The following SCN11A variants were observed in gnomAD, a reference collection of about 807,000 sequenced individuals.
SCN11A encodes the protein sodium voltage-gated channel alpha subunit 11.
SCN11A carries 122 observed loss-of-function variants against 162.2 expected under a neutral mutation model. The observed-to-expected ratio is 0.75, with a 90% CI of 0.65 to 0.87. The LOEUF (loss-of-function observed/expected upper bound fraction) is 0.87. Among genes scored for constraint, SCN11A ranks in the 40% least tolerant of loss-of-function variants. SCN11A has a pLI of 0.00. For missense variants in SCN11A, 2,015 were observed against 2,181.6 expected (o/e 0.92, Z 1.52); for synonymous variants, 758 against 751.5 (o/e 1.01, Z -0.14).
chr3:38,997,207 C>T (rs934702248), intron 2 of SCN11A, among the ~76,000 whole-genome samples: 1 of 152,230 alleles, frequency 6.6e-6, no homozygotes, highest in Non-Finnish European at 1.5e-5. Context: ...ATCTGCTTCA[C>T]TCCCATTAAA....
At chr3:38,989,396 G>T (rs1401691549) in intron 2 of SCN11A, among the ~76,000 whole-genome samples, 3 of 152,188 alleles carry the variant, frequency 2.0e-5, no homozygotes, top group African/African-American at 7.2e-5. Context: ...TAAAATGGTT[G>T]TTCAAAGACA....
intron 2 of SCN11A, among the ~76,000 whole-genome samples, chr3:38,965,384 G>A (rs1293134949): frequency 2.6e-5 from 4 of 152,182 alleles, no homozygotes; most frequent in Admixed American, 1.3e-4. Flanking sequence ...GTAAGACAAC[G>A]TTTGTAAGGT....
At chr3:38,925,284 G>T in intron 9 of SCN11A, 131 bp downstream of exon 9, 6 of 639,046 alleles carry the variant, frequency 9.4e-6, no homozygotes, top group Non-Finnish European at 8.3e-6. Context: ...ATTATCAGTT[G>T]GACCATCAAA....
intron 16 of SCN11A, 47 bp from the exon 17 acceptor site, chr3:38,900,120 C>A: frequency 6.7e-7 from 1 of 1,498,500 alleles, no homozygotes; most frequent in Non-Finnish European, 9.3e-7. Flanking sequence ...GCGGAGATAA[C>A]ACTTTTAAGA....
intron 2 of SCN11A, among the ~76,000 whole-genome samples, chr3:39,031,343 C>T (rs2037656): frequency 0.48 from 72,882 of 151,834 alleles, 21,367 homozygotes; most frequent in African/African-American, 0.84. Flanking sequence ...CTGGCCAACA[C>T]GGTGAAACCC....
chr3:38,897,278 C>T (rs1162473020), intron 17 of SCN11A, 53 bp from the exon 18 acceptor site: 2 of 1,524,282 alleles, frequency 1.3e-6, no homozygotes, highest in African/African-American at 1.4e-5. Context: ...TAAGGACAAA[C>T]TCCATCTGCT....
chr3:38,955,959 A>G (rs1281298673), intron 3 of SCN11A, among the ~76,000 whole-genome samples: 1 of 152,220 alleles, frequency 6.6e-6, no homozygotes, highest in East Asian at 1.9e-4. Context: ...CACGTTCGGC[A>G]CAAAAGCCCG....
chr3:38,886,345 C>T, intron 19 of SCN11A, 107 bp from the exon 20 acceptor site: 1 of 618,986 alleles, frequency 1.6e-6, no homozygotes, highest in East Asian at 2.7e-5. Flanking sequence ...GAGAATAAGC[C>T]TTTGACATTA....
chr3:38,920,181 G>T (rs1275034053), intron 10 of SCN11A, among the ~76,000 whole-genome samples, 180 bp from the exon 11 acceptor site: 1 of 152,070 alleles, frequency 6.6e-6, no homozygotes, highest in Non-Finnish European at 1.5e-5. Flanking sequence ...GAAGGAAGGA[G>T]GGAAAAGAAG....
chr3:38,992,266 G>C (rs1306519479), intron 2 of SCN11A, among the ~76,000 whole-genome samples: 1 of 152,232 alleles, frequency 6.6e-6, no homozygotes, highest in African/African-American at 2.4e-5. Flanking sequence ...CTGATGTCAT[G>C]ATTAAGTTAC....
At chr3:38,969,871 T>G (rs2066806046) in intron 2 of SCN11A, among the ~76,000 whole-genome samples, 2 of 152,216 alleles carry the variant, frequency 1.3e-5, no homozygotes, top group Non-Finnish European at 2.9e-5. Context: ...GGCTCAGTTC[T>G]CTCTCTAAAA....
chr3:38,950,529 G>C (rs183726681), intron 4 of SCN11A, 160 bp from the exon 5 acceptor site: 162 of 679,712 alleles, frequency 2.4e-4, no homozygotes, highest in South Asian at 2.4e-3. Context: ...GTGAAGATCA[G>C]AAGAGATGAC....
At chr3:38,917,661 T>C (rs1166330012) in intron 11 of SCN11A, among the ~76,000 whole-genome samples, 1 of 152,076 alleles carries the variant, frequency 6.6e-6, no homozygotes, top group Non-Finnish European at 1.5e-5. Flanking sequence ...CTGGGACCTA[T>C]TGGATGGTGG....
At chr3:38,950,069 ACC>A (rs375995524) in intron 5 of SCN11A, 25 bp downstream of exon 5, 72 of 66,174 alleles carry the variant, frequency 1.1e-3, no homozygotes, top group Middle Eastern at 7.4e-3. Context: ...CCCCACCCCC[ACC>A]CCCCCCCCCC....
chr3:39,016,012 C>T (rs1353079769), intron 2 of SCN11A, among the ~76,000 whole-genome samples: 2 of 152,136 alleles, frequency 1.3e-5, no homozygotes, highest in East Asian at 3.8e-4. Context: ...GCTTGGATTA[C>T]AAGCATGAGC....
At position 38,901,631 on chromosome 3, in the gene SCN11A, G is replaced by C. The variant is rs139846154; in HGVS notation, c.1843-1558C>G. On this transcript the variant is annotated intron_variant, in intron 16 of 29. Coordinates refer to ENST00000302328, the MANE Select transcript of SCN11A (RefSeq NM_001349253.2). ...CCAGTCCTGCAGAACTCTACAGAGT[G>C]GCTTAATCCTGGCCCATGCATCAGA... Among the ~76,000 whole-genome samples, 717 of 152,270 alleles carry C rather than the reference G, an allele frequency of 4.7e-3. 2 individuals carry two copies. The highest frequency in any genetic ancestry group is 6.8e-3 in the Middle Eastern group (2 of 294).
chr3:38,918,478 T>C lies in SCN11A; in HGVS notation c.959+1457A>G, dbSNP rs73828716. 5.6e-3 allele frequency among the ~76,000 whole-genome samples: 857 copies of C among 152,304 alleles called. 10 individuals carry two copies. Among genetic ancestry groups the C allele is most frequent in the African/African-American group, 0.02 (820 of 41,576 alleles). ...GCAAGGGATCTAGGTTGCACGCTCC[T>C]TATGAGAATCTAACTAATGCCTGAT... is the stretch of plus-strand genomic sequence containing the variant. On this transcript the variant is annotated intron_variant, in intron 11 of 29. Coordinates refer to ENST00000302328, the MANE Select transcript of SCN11A (RefSeq NM_001349253.2).
At chr3:38,856,717 A>T (rs1559489183) in intron 28 of SCN11A, among the ~76,000 whole-genome samples, 1 of 152,172 alleles carries the variant, frequency 6.6e-6, no homozygotes, top group African/African-American at 2.4e-5. Flanking sequence ...ACACTGGGAA[A>T]AAATAAATAA....
At chr3:39,040,871 G>T (rs147524927) in intron 1 of SCN11A, among the ~76,000 whole-genome samples, 2 of 152,052 alleles carry the variant, frequency 1.3e-5, no homozygotes, top group African/African-American at 4.8e-5. Flanking sequence ...GAGGTCAGGA[G>T]ATCGAGACCA....
Sources: allele counts gnomAD v4.1 joint callset (sites outside exome capture counted in the v4.1 genomes callset), GRCh38; gene constraint gnomAD v4.1.1; transcripts MANE v1.5; gene names NCBI Gene and HGNC (gene_info 2026-07-23, HGNC 2026-07-21).